Variants in ARID2 observed in about 807,000 individuals in gnomAD.
ARID2 encodes AT-rich interaction domain 2.
In ARID2, 32 loss-of-function variants were observed where a neutral mutation model predicts 184.6. The observed-to-expected ratio is 0.17, with a 90% CI of 0.13 to 0.23. The LOEUF is 0.23. Among genes scored for constraint, ARID2 ranks in the 10% least tolerant of loss-of-function variants. ARID2 has a pLI of 1.00. For missense variants in ARID2, 1,696 were observed against 2,197.6 expected, an observed-to-expected ratio of 0.77 and a Z score of 4.56; for synonymous variants, 836 against 772.6, an observed-to-expected ratio of 1.08 and a Z score of -1.36.
At chr12:45,741,342 C>T (rs533419197) in intron 3 of ARID2, among the ~76,000 whole-genome samples, 3 of 152,180 alleles carry the variant, frequency 2.0e-5, no homozygotes, top group South Asian at 2.1e-4. Flanking sequence ...GGACTACAGG[C>T]GCATGCCACC....
chr12:45,788,383 A>G (rs1490306347), intron 3 of ARID2, among the ~76,000 whole-genome samples: 1 of 152,152 alleles, frequency 6.6e-6, no homozygotes, highest in Non-Finnish European at 1.5e-5. Context: ...GTAGCTGATA[A>G]ATGGCAGCAT....
intron 5 of ARID2, among the ~76,000 whole-genome samples, chr12:45,819,944 A>C (rs1428658516): frequency 6.6e-6 from 1 of 151,854 alleles, no homozygotes; most frequent in Non-Finnish European, 1.5e-5. Flanking sequence ...GGGTTTCCTC[A>C]TGTTGGCCAG....
chr12:45,827,066 T>C (rs1342172691), intron 6 of ARID2, among the ~76,000 whole-genome samples: 3 of 151,964 alleles, frequency 2.0e-5, no homozygotes, highest in Non-Finnish European at 4.4e-5. Flanking sequence ...TCAACCTACC[T>C]GGGATGTACG....
chr12:45,839,519 T>C, intron 11 of ARID2, 23 bp downstream of exon 11: 1 of 1,600,966 alleles, frequency 6.2e-7, no homozygotes, highest in Non-Finnish European at 8.5e-7. Context: ...ACATATTCTT[T>C]TTCAGTGTGG....
intron 16 of ARID2, among the ~76,000 whole-genome samples, chr12:45,865,723 GTCAGTGACTTTTTTCT>G (rs1565630354): frequency 6.6e-6 from 1 of 152,048 alleles, no homozygotes; most frequent in Non-Finnish European, 1.5e-5. Flanking sequence ...ATGAGGGTAA[GTCAGTGACTTTTTTCT>G]TCAATTTGTC....
At chr12:45,887,025 T>TC (rs1325304448) in intron 16 of ARID2, among the ~76,000 whole-genome samples, 1 of 152,204 alleles carries the variant, frequency 6.6e-6, no homozygotes, top group Non-Finnish European at 1.5e-5. Flanking sequence ...CCTGAATTTC[T>TC]CCCCAGAAAA....
chr12:45,846,874 C>T lies in ARID2; in HGVS notation c.1517C>T (p.Ala506Val), dbSNP rs757456378. The change falls in exon 12 of 21, where the codon GCG becomes GTG. Residue 506 changes from alanine (A) to valine (V), a missense_variant. By Grantham distance (64) the Ala-to-Val change is moderately conservative (BLOSUM62 0). Coordinates refer to ENST00000334344, the MANE Select transcript of ARID2 (RefSeq NM_152641.4). Reference sequence around the variant, plus strand: ...TCTTTAGCTTCCAGAGCAGTTGTAGCGCAGCATGTTGCTCCACCTCCAGGA... The same window carrying T: ...TCTTTAGCTTCCAGAGCAGTTGTAGTGCAGCATGTTGCTCCACCTCCAGGA... Reference protein sequence around the residue: ...ASAPASRAVVAQHVAPPPGIV... With the variant: ...ASAPASRAVVVQHVAPPPGIV... The T allele has an allele frequency of 6.2e-6, 10 of 1,612,724 alleles. 1 individual carries two copies. Among genetic ancestry groups the T allele is most frequent in the Middle Eastern group, 1.6e-4 (1 of 6,074 alleles).
chr12:45,886,961 G>T (rs1363321017), intron 16 of ARID2, among the ~76,000 whole-genome samples: 1 of 152,160 alleles, frequency 6.6e-6, no homozygotes, highest in East Asian at 1.9e-4. Context: ...TTTCCCCATT[G>T]TCTTGGTGAT....
intron 12 of ARID2, among the ~76,000 whole-genome samples, chr12:45,847,791 G>A (rs189002974): frequency 2.8e-4 from 42 of 151,974 alleles, no homozygotes; most frequent in Admixed American, 1.8e-3. Flanking sequence ...TGCTTAAATC[G>A]GGTTTATGGT....
chr12:45,895,616 C>G (rs566509761), intron 20 of ARID2, among the ~76,000 whole-genome samples: 1 of 152,316 alleles, frequency 6.6e-6, no homozygotes, highest in East Asian at 1.9e-4. Context: ...CTCACTGCAA[C>G]CTCTGCCTCC....
chr12:45,837,066 T>C (rs748602129), intron 8 of ARID2, 75 bp downstream of exon 8: 1 of 1,517,832 alleles, frequency 6.6e-7, no homozygotes, highest in South Asian at 1.3e-5. Context: ...GATGTGGCAT[T>C]TTATAGTTGC....
intron 3 of ARID2, among the ~76,000 whole-genome samples, chr12:45,793,652 C>T (rs1465980215): frequency 4.0e-5 from 6 of 150,352 alleles, no homozygotes; most frequent in Non-Finnish European, 1.5e-5. Flanking sequence ...AATATATATA[C>T]ATATATATCT....
intron 6 of ARID2, among the ~76,000 whole-genome samples, chr12:45,835,242 A>G (rs1231850962): frequency 6.6e-6 from 1 of 152,030 alleles, no homozygotes; most frequent in Non-Finnish European, 1.5e-5. Flanking sequence ...CAAAATTTTT[A>G]GTTTTTTATT....
intron 5 of ARID2, among the ~76,000 whole-genome samples, chr12:45,819,845 G>C (rs1311565192): frequency 6.6e-6 from 1 of 151,936 alleles, no homozygotes; most frequent in Admixed American, 6.6e-5. Context: ...CAAGGTTCAA[G>C]TGAGTCTCGT....
At chr12:45,887,933 T>A (rs1229860242) in intron 16 of ARID2, among the ~76,000 whole-genome samples, 1 of 152,112 alleles carries the variant, frequency 6.6e-6, no homozygotes, top group Admixed American at 6.6e-5. Flanking sequence ...TGACTGAAGA[T>A]CTAATGTACA....
intron 8 of ARID2, 117 bp from the exon 9 acceptor site, chr12:45,837,204 A>C: frequency 8.6e-7 from 1 of 1,168,444 alleles, no homozygotes; most frequent in Non-Finnish European, 1.2e-6. Flanking sequence ...CTATTTTTAC[A>C]ATAACATTTT....
Position 45,738,952 on chromosome 12 carries a change from T to C in ARID2, c.284+7638T>C, listed in dbSNP as rs114203036. Reference sequence around the variant, plus strand: ...CCCTTCCCTGCTGATAGACCTGCTGTACATTTTACAGAGTGTTGTCTTTTT... The same window carrying C: ...CCCTTCCCTGCTGATAGACCTGCTGCACATTTTACAGAGTGTTGTCTTTTT... On this transcript the variant is annotated intron_variant, in intron 3 of 20. Transcript: ENST00000334344. Among the ~76,000 whole-genome samples the C allele has an allele frequency of 3.1e-3, 472 of 152,026 alleles. 5 individuals are homozygous for C. Among genetic ancestry groups the C allele is most frequent in the African/African-American group, 0.011 (455 of 41,448 alleles).
At chr12:45,869,355 TAGTG>T (rs746558741) in intron 16 of ARID2, among the ~76,000 whole-genome samples, 16 of 152,224 alleles carry the variant, frequency 1.1e-4, no homozygotes, top group East Asian at 5.8e-4. Flanking sequence ...TATTTTTTGA[TAGTG>T]AGCACTTTTT....
intron 20 of ARID2, among the ~76,000 whole-genome samples, chr12:45,902,585 G>A (rs1232413991): frequency 1.3e-5 from 2 of 150,818 alleles, no homozygotes; most frequent in Non-Finnish European, 2.9e-5. Flanking sequence ...AGGCTGGAGT[G>A]TAGTGGTGCA....
Sources: allele counts gnomAD v4.1 joint callset (sites outside exome capture counted in the v4.1 genomes callset), GRCh38; gene constraint gnomAD v4.1.1; transcripts MANE v1.5; gene names NCBI Gene and HGNC (gene_info 2026-07-23, HGNC 2026-07-21).